The following KBTBD11 variants were observed in gnomAD, a reference collection of about 807,000 sequenced individuals.
KBTBD11 encodes the protein kelch repeat and BTB domain containing 11.
For synonymous variants in KBTBD11, 747 were observed against 499.0 expected (o/e 1.50, Z -6.63); for missense variants, 1,390 against 1,001.8 (o/e 1.39, Z -5.23).
intron 1 of KBTBD11, among the ~76,000 whole-genome samples, chr8:1,995,060 CAAAAAAAAA>C (rs5741960): frequency 2.0e-5 from 2 of 101,172 alleles, no homozygotes; most frequent in African/African-American, 4.4e-5. Context: ...ACTCTTGTCT[CAAAAAAAAA>C]AAAAAAAAAA....
chr8:1,987,038 G>GCACA (rs1233467938), intron 1 of KBTBD11, among the ~76,000 whole-genome samples: 1 of 125,802 alleles, frequency 7.9e-6, no homozygotes, highest in South Asian at 2.7e-4. Context: ...AAAAAACCAC[G>GCACA]CACACACACA....
intron 1 of KBTBD11, among the ~76,000 whole-genome samples, chr8:1,977,970 G>A (rs141482525): frequency 1.3e-5 from 2 of 152,330 alleles, no homozygotes; most frequent in Non-Finnish European, 2.9e-5. Context: ...AATAAGCCAT[G>A]CACAGCTTAG....
chr8:1,981,549 T>C (rs1240533885), intron 1 of KBTBD11, among the ~76,000 whole-genome samples: 2 of 152,192 alleles, frequency 1.3e-5, no homozygotes, highest in Admixed American at 6.6e-5. Flanking sequence ...TCGTAAAGTA[T>C]TATTTCTGGA....
chr8:1,997,141 G>C (rs1027708875), intron 1 of KBTBD11, among the ~76,000 whole-genome samples: 1 of 152,132 alleles, frequency 6.6e-6, no homozygotes, highest in Non-Finnish European at 1.5e-5. Context: ...CCCTCCGGCG[G>C]GGGGTGGGCG....
chr8:2,002,859 C>A lies in KBTBD11; in HGVS notation c.1667C>A (p.Ala556Asp). ...ACGGGCCTGCAGCCCTTCCGCTGCGCCGCCCTGGACGGCGCCATCTACTGC... is the reference window on the plus strand; with the variant it reads ...ACGGGCCTGCAGCCCTTCCGCTGCGACGCCCTGGACGGCGCCATCTACTGC... ...GPTGLQPFRCAALDGAIYCVS... is the reference protein window; with the variant it reads ...GPTGLQPFRCDALDGAIYCVS... Residue 556 changes from alanine (A) to aspartate (D), a missense_variant, in exon 2 of 2, where the codon GCC becomes GAC. By Grantham distance (126) the Ala-to-Asp change is moderately radical. Coordinates refer to ENST00000320248, the MANE Select transcript of KBTBD11 (RefSeq NM_014867.3). This position sits in a 1 kb window ranked among gnomAD's most constrained non-coding sequence, Gnocchi z 4.1. 1 of 1,371,538 alleles carries A rather than the reference C, an allele frequency of 7.3e-7. No homozygotes were observed. The highest frequency in any genetic ancestry group is 9.3e-7 in the Non-Finnish European group (1 of 1,071,284). 85.0% of individuals were successfully genotyped at this position (1,371,538 alleles called of 1,614,324 possible).
At position 2,001,808 on chromosome 8, in the gene KBTBD11, G is replaced by T; in HGVS notation, c.616G>T (p.Glu206Ter). Reference sequence around the variant, plus strand: ...GGGCGTGCGGCCCGACAACGTGGCCGAGGTGGTGGCCGGCGCGCGCCGCCT... The same window carrying T: ...GGGCGTGCGGCCCGACAACGTGGCCTAGGTGGTGGCCGGCGCGCGCCGCCT... ...MAGVRPDNVAEVVAGARRLQL... is the reference protein window; with the variant it reads ...MAGVRPDNVA Residue 206 changes from glutamate (E) to a stop codon, truncating the protein, a stop_gained, in exon 2 of 2, where the codon GAG becomes TAG. Transcript: ENST00000320248. LOFTEE classifies it low-confidence loss of function (END_TRUNC). 1 of 1,237,880 alleles carries T rather than the reference G, an allele frequency of 8.1e-7. No individual in the cohort carries two copies. The highest frequency in any genetic ancestry group is 1.0e-6 in the Non-Finnish European group (1 of 994,674). The allele number at this position is 1,237,880 out of a possible 1,614,324, so 76.7% of individuals were successfully genotyped here.
chr8:1,987,953 G>T (rs529558781), intron 1 of KBTBD11, among the ~76,000 whole-genome samples: 1 of 152,022 alleles, frequency 6.6e-6, no homozygotes, highest in South Asian at 2.1e-4. Flanking sequence ...TCATTGTTCA[G>T]TTCCCACCTT....
intron 1 of KBTBD11, among the ~76,000 whole-genome samples, chr8:1,996,030 C>G (rs1817123572): frequency 6.6e-6 from 1 of 151,882 alleles, no homozygotes; most frequent in Non-Finnish European, 1.5e-5. Flanking sequence ...TCTCAAAAAA[C>G]AAACAAACAA....
intron 1 of KBTBD11, among the ~76,000 whole-genome samples, chr8:1,993,586 C>T (rs1387264793): frequency 6.8e-6 from 1 of 147,086 alleles, no homozygotes; most frequent in Non-Finnish European, 1.5e-5. Context: ...TCCATCCATC[C>T]ATCCAGTTGC....
Position 2,006,696 on chromosome 8 carries a change from C to G in KBTBD11, c.*3632C>G, listed in dbSNP as rs1040738442. 6.0e-6 allele frequency: 1 copy of G among 167,100 alleles called. No homozygotes were observed. The highest frequency in any genetic ancestry group is 2.4e-5 in the African/African-American group (1 of 41,458). 10.4% of individuals were successfully genotyped at this position (167,100 alleles called of 1,614,324 possible). A position where few individuals can be genotyped will look rare whatever the true frequency, so the allele number is the denominator to read the frequency against. ...ACGCATATGAAACAGGAGACGGGTTCTCATGTGAGATCAAAGCTCCTCCAA... is the reference window on the plus strand; with the variant it reads ...ACGCATATGAAACAGGAGACGGGTTGTCATGTGAGATCAAAGCTCCTCCAA... On this transcript the variant is annotated 3_prime_UTR_variant, in exon 2 of 2. Coordinates refer to ENST00000320248, the MANE Select transcript of KBTBD11 (RefSeq NM_014867.3).
At chr8:1,985,423 C>T (rs1816677912) in intron 1 of KBTBD11, among the ~76,000 whole-genome samples, 1 of 152,280 alleles carries the variant, frequency 6.6e-6, no homozygotes, top group Non-Finnish European at 1.5e-5. Flanking sequence ...GAATTCCGAA[C>T]ACTGGACAGT....
Position 2,003,413 on chromosome 8 carries a change from G to T in KBTBD11, c.*349G>T. ...CCCGGGGTGTCCCGAACCCCGCAGAGCACCGAGGCTGTGCGCAGGAGCCTG... is the reference window on the plus strand; with the variant it reads ...CCCGGGGTGTCCCGAACCCCGCAGATCACCGAGGCTGTGCGCAGGAGCCTG... On this transcript the variant is annotated 3_prime_UTR_variant, in exon 2 of 2. Transcript: ENST00000320248. The T allele has an allele frequency of 4.4e-6, 1 of 224,750 alleles. No individual in the cohort carries two copies. The allele number at this position is 224,750 out of a possible 1,614,324, so 13.9% of individuals were successfully genotyped here.
At chr8:1,997,818 C>G (rs550230645) in intron 1 of KBTBD11, among the ~76,000 whole-genome samples, 1 of 152,240 alleles carries the variant, frequency 6.6e-6, no homozygotes, top group Non-Finnish European at 1.5e-5. Context: ...CCATCCCCTG[C>G]TCTGCCAACT....
At chr8:1,994,510 C>T (rs1817059783) in intron 1 of KBTBD11, among the ~76,000 whole-genome samples, 1 of 152,250 alleles carries the variant, frequency 6.6e-6, no homozygotes, top group African/African-American at 2.4e-5. Flanking sequence ...GAGCCAGTTG[C>T]TTGGCTCATT....
intron 1 of KBTBD11, among the ~76,000 whole-genome samples, chr8:1,987,003 T>G (rs985277033): frequency 5.1e-5 from 4 of 77,858 alleles, no homozygotes; most frequent in Non-Finnish European, 8.4e-5. Context: ...AGACCCTATC[T>G]CTCCAAAAAA....
chr8:1,976,030 G>C (rs1479041805), intron 1 of KBTBD11: 2 of 152,292 alleles, frequency 1.3e-5, no homozygotes, highest in African/African-American at 4.8e-5. Flanking sequence ...CAAGAGCACA[G>C]ATTGCTCAGT....
chr8:1,988,544 C>G (rs897539357), intron 1 of KBTBD11, among the ~76,000 whole-genome samples: 1 of 152,196 alleles, frequency 6.6e-6, no homozygotes, highest in Admixed American at 6.5e-5. Flanking sequence ...TGAGAAGTGT[C>G]TGTTCATATC....
rs1001305048 is a variant in KBTBD11, at chr8:2,006,757, C to G, written c.*3693C>G. 6.0e-6 allele frequency: 1 copy of G among 167,120 alleles called. No individual in the cohort carries two copies. Among genetic ancestry groups the G allele is most frequent in the Non-Finnish European group, 1.5e-5 (1 of 68,132 alleles). The allele number at this position is 167,120 out of a possible 1,614,324, so 10.4% of individuals were successfully genotyped here. A position where few individuals can be genotyped will look rare whatever the true frequency, so the allele number is the denominator to read the frequency against. The stretch of plus-strand genomic sequence containing the variant: ...AGCTCTAAGCGATTCTCAAATGTTA[C>G]CATTTATTAAAGGTAAACTACACCT... On this transcript the variant is annotated 3_prime_UTR_variant, in exon 2 of 2. Coordinates refer to ENST00000320248, the MANE Select transcript of KBTBD11 (RefSeq NM_014867.3).
rs1241882646 is a variant in KBTBD11, at chr8:2,000,290, A to C, written c.-903A>C. Reference sequence around the variant, plus strand: ...TCTTTTTGTCCTATAAACAGGAACAAGAGTGTGGTGAGAGGACGCGGAAAC... The same window carrying C: ...TCTTTTTGTCCTATAAACAGGAACACGAGTGTGGTGAGAGGACGCGGAAAC... On this transcript the variant is annotated 5_prime_UTR_variant, in exon 2 of 2. Transcript: ENST00000320248. The C allele has an allele frequency of 6.6e-6, 1 of 152,258 alleles. No homozygotes were observed. Among genetic ancestry groups the C allele is most frequent in the Non-Finnish European group, 1.5e-5 (1 of 68,060 alleles). 9.4% of individuals were successfully genotyped at this position (152,258 alleles called of 1,614,324 possible). A position where few individuals can be genotyped will look rare whatever the true frequency, so the allele number is the denominator to read the frequency against.
Sources: gnomAD v4.1 joint callset for allele counts (sites outside exome capture counted in the v4.1 genomes callset) on GRCh38, gnomAD v4.1.1 for gene constraint, Gnocchi (gnomAD v3.1) non-coding constraint, MANE v1.5 for transcripts, NCBI Gene and HGNC (gene_info 2026-07-23, HGNC 2026-07-21) for gene names.